CNTNAP2: variants seen among roughly 807,000 people sequenced by gnomAD.
The protein encoded by CNTNAP2 is contactin-associated protein-like 2.
CNTNAP2 carries 98 observed loss-of-function variants against 155.2 expected under a neutral mutation model. That is an observed-to-expected ratio of 0.63 (90% CI 0.54 to 0.75). The LOEUF (loss-of-function observed/expected upper bound fraction) is 0.75. Ranked by LOEUF, CNTNAP2 falls within the 30% of genes least tolerant of loss-of-function variation. CNTNAP2 has a pLI of 0.00. For missense variants in CNTNAP2, 1,727 were observed against 1,688.1 expected, an observed-to-expected ratio of 1.02 and a Z score of -0.40; for synonymous variants, 651 against 631.2, an observed-to-expected ratio of 1.03 and a Z score of -0.47.
chr7:146,619,220 C>T (rs1412245060), intron 1 of CNTNAP2, among the ~76,000 whole-genome samples: 3 of 152,004 alleles, frequency 2.0e-5, no homozygotes, highest in Middle Eastern at 3.5e-3. Flanking sequence ...AATTCTTTCC[C>T]TAATTTTTTA....
chr7:146,182,402 T>C (rs1161166553), intron 1 of CNTNAP2, among the ~76,000 whole-genome samples: 1 of 152,126 alleles, frequency 6.6e-6, no homozygotes, highest in Non-Finnish European at 1.5e-5. Context: ...TCTGTACATA[T>C]TTTCATTCTT....
intron 18 of CNTNAP2, among the ~76,000 whole-genome samples, chr7:148,212,812 C>G (rs150721720): frequency 6.6e-6 from 1 of 152,134 alleles, no homozygotes; most frequent in Non-Finnish European, 1.5e-5. Flanking sequence ...CCACTTGGAG[C>G]CTTAGAGGGC....
intron 1 of CNTNAP2, among the ~76,000 whole-genome samples, chr7:146,509,910 C>T (rs1489989563): frequency 6.6e-6 from 1 of 152,174 alleles, no homozygotes; most frequent in African/African-American, 2.4e-5. Flanking sequence ...CACCACCACC[C>T]ATGTCTCCAC....
intron 14 of CNTNAP2, among the ~76,000 whole-genome samples, chr7:147,975,613 C>A (rs1484804660): frequency 6.6e-6 from 1 of 152,102 alleles, no homozygotes; most frequent in East Asian, 1.9e-4. Context: ...CCAAAGCTGA[C>A]ATATGACTGC....
intron 13 of CNTNAP2, among the ~76,000 whole-genome samples, chr7:147,723,960 T>G (rs1332636690): frequency 6.6e-6 from 1 of 152,000 alleles, no homozygotes; most frequent in Non-Finnish European, 1.5e-5. Flanking sequence ...GAATGCTTTT[T>G]GGTTCTCTCT....
chr7:147,141,180 A>G lies in CNTNAP2; in HGVS notation c.1348+8671A>G, dbSNP rs1007008098. The stretch of plus-strand genomic sequence containing the variant: ...GTGACACGAGTTCAAAACTTTGAGA[A>G]AAATCAAATTTTGCCTTTTATCTTT... On this transcript the variant is annotated intron_variant, in intron 8 of 23. Transcript: ENST00000361727. Among the ~76,000 whole-genome samples the G allele has an allele frequency of 7.2e-5, 11 of 152,260 alleles. No homozygotes were observed. In the East Asian group the frequency reaches 1.2e-3, roughly 16 times the overall value.
chr7:147,067,169 T>C (rs950208804), intron 4 of CNTNAP2, among the ~76,000 whole-genome samples: 2 of 151,874 alleles, frequency 1.3e-5, no homozygotes, highest in African/African-American at 4.8e-5. Context: ...CACACACCTG[T>C]AATCTCAGCT....
rs141713478 is a variant in CNTNAP2, at chr7:146,201,437, G to T, written c.97+84464G>T. Among the ~76,000 whole-genome samples, 799 of 152,218 alleles carry T rather than the reference G, an allele frequency of 5.2e-3. 6 individuals carry two copies. Among genetic ancestry groups the T allele is most frequent in the African/African-American group, 0.018 (756 of 41,558 alleles). ...AGATGATTATTGGCAGCTCCTAATT[G>T]CCAATCCCTCTGCTGGATGTTCAAG... On this transcript the variant is annotated intron_variant, in intron 1 of 23. Coordinates refer to ENST00000361727, the MANE Select transcript of CNTNAP2 (RefSeq NM_014141.6).
intron 1 of CNTNAP2, among the ~76,000 whole-genome samples, chr7:146,606,952 A>G (rs1439678552): frequency 2.0e-5 from 3 of 152,170 alleles, no homozygotes; most frequent in Non-Finnish European, 2.9e-5. Context: ...TATAGTCATA[A>G]AGTATACAGC....
rs7789463 is a variant in CNTNAP2 at position 146,175,501 on chromosome 7, G to A, written c.97+58528G>A. ...GTTAATGATCCATCTCAGTATGATG[G>A]GCAAAGATGTATTACATGAACCTGG... On this transcript the variant is annotated intron_variant, in intron 1 of 23. Coordinates refer to ENST00000361727, the MANE Select transcript of CNTNAP2 (RefSeq NM_014141.6). 4.3e-3 allele frequency among the ~76,000 whole-genome samples: 652 copies of A among 152,210 alleles called. 3 individuals carry two copies. The highest frequency in any genetic ancestry group is 0.015 in the African/African-American group (616 of 41,538).
chr7:146,681,900 C>A (rs896036002), intron 1 of CNTNAP2, among the ~76,000 whole-genome samples: 2 of 152,114 alleles, frequency 1.3e-5, no homozygotes, highest in African/African-American at 4.8e-5. Context: ...GTTTTCTATT[C>A]ATCATCTCTA....
chr7:148,021,970 T>C (rs1802286559), intron 15 of CNTNAP2, among the ~76,000 whole-genome samples: 1 of 152,130 alleles, frequency 6.6e-6, no homozygotes, highest in Non-Finnish European at 1.5e-5. Flanking sequence ...GTGGAAAGGA[T>C]GGACCCAAAG....
intron 14 of CNTNAP2, among the ~76,000 whole-genome samples, chr7:147,943,309 T>C (rs995145763): frequency 6.6e-6 from 1 of 152,238 alleles, no homozygotes; most frequent in East Asian, 1.9e-4. Flanking sequence ...TAAAGTTTTC[T>C]AATGATTTTT....
chr7:146,638,586 G>A (rs898508085), intron 1 of CNTNAP2, among the ~76,000 whole-genome samples: 12 of 144,310 alleles, frequency 8.3e-5, no homozygotes, highest in African/African-American at 1.3e-4. Flanking sequence ...CCGGGTTCAC[G>A]CCATTCTCCT....
chr7:147,086,457 A>C (rs573603697), intron 4 of CNTNAP2, among the ~76,000 whole-genome samples: 1 of 151,946 alleles, frequency 6.6e-6, no homozygotes, highest in East Asian at 1.9e-4. Context: ...TACTTTTTTG[A>C]GACAGATTTC....
At chr7:146,949,524 T>C (rs540115323) in intron 3 of CNTNAP2, among the ~76,000 whole-genome samples, 5 of 152,302 alleles carry the variant, frequency 3.3e-5, no homozygotes, top group South Asian at 2.1e-4. Flanking sequence ...ACCATCCTTT[T>C]CAAAGCTGCT....
intron 10 of CNTNAP2, among the ~76,000 whole-genome samples, chr7:147,404,630 A>G (rs1370151931): frequency 1.3e-5 from 2 of 152,000 alleles, no homozygotes; most frequent in Non-Finnish European, 2.9e-5. Flanking sequence ...TAGATGTGTG[A>G]CTCTTTATTT....
At chr7:146,700,402 A>C (rs1800855811) in intron 1 of CNTNAP2, among the ~76,000 whole-genome samples, 1 of 152,066 alleles carries the variant, frequency 6.6e-6, no homozygotes, top group Non-Finnish European at 1.5e-5. Flanking sequence ...ATGATTTCTA[A>C]ACTCTTTAAA....
chr7:146,934,141 C>T (rs942924618), intron 3 of CNTNAP2, among the ~76,000 whole-genome samples: 2 of 151,824 alleles, frequency 1.3e-5, no homozygotes, highest in Non-Finnish European at 2.9e-5. Context: ...CACATGCACA[C>T]GTATGTTTAT....
Sources: gnomAD v4.1 joint callset for allele counts (sites outside exome capture counted in the v4.1 genomes callset) on GRCh38, gnomAD v4.1.1 for gene constraint, MANE v1.5 for transcripts, NCBI Gene and HGNC (gene_info 2026-07-23, HGNC 2026-07-21) for gene names.